PRKDC: variants seen among roughly 807,000 people sequenced by gnomAD.
PRKDC encodes the protein protein kinase, DNA-activated, catalytic subunit.
A neutral mutation model predicts 486.9 loss-of-function variants in PRKDC; 82 were observed. The ratio of observed to expected loss-of-function variants is 0.17; its 90% confidence interval spans 0.14 to 0.20. The LOEUF is 0.20. PRKDC is among the 10% of genes least tolerant of loss of function. The pLI is 1.00. For synonymous variants in PRKDC, 1,895 were observed against 1,837.0 expected, an observed-to-expected ratio of 1.03 and a Z score of -0.81; for missense variants, 4,504 against 5,038.2, an observed-to-expected ratio of 0.89 and a Z score of 3.21.
intron 29 of PRKDC, among the ~76,000 whole-genome samples, chr8:47,897,654 T>G (rs1201809250): frequency 6.6e-6 from 1 of 152,150 alleles, no homozygotes; most frequent in African/African-American, 2.4e-5. Flanking sequence ...TTGTTATAAA[T>G]CCAAATTATC....
chr8:47,869,881 C>T (rs1317181356), intron 40 of PRKDC, among the ~76,000 whole-genome samples: 1 of 152,192 alleles, frequency 6.6e-6, no homozygotes, highest in Non-Finnish European at 1.5e-5. Context: ...GAGTGAAAAT[C>T]AGCAGTAGCC....
rs1263014716 is a variant in PRKDC at position 47,937,662 on chromosome 8, A to T, written c.1114-1145T>A. On this transcript the variant is annotated intron_variant, in intron 11 of 85. Coordinates refer to ENST00000314191, the MANE Select transcript of PRKDC (RefSeq NM_006904.7). The stretch of plus-strand genomic sequence containing the variant: ...CAGATCCATTTCCCCTCTCCTGCCT[A>T]TCATGCTCTAGCCACAGGGACAAGC... Among the ~76,000 whole-genome samples the T allele has an allele frequency of 2.0e-5, 3 of 152,202 alleles. No homozygotes were observed. The East Asian group carries it at 5.8e-4, about 29-fold the overall frequency.
chr8:47,897,510 G>A (rs760088941), intron 29 of PRKDC, among the ~76,000 whole-genome samples: 55 of 152,190 alleles, frequency 3.6e-4, no homozygotes, highest in East Asian at 7.7e-4. Flanking sequence ...ATTTTTTCAT[G>A]TGGGGAAAAA....
intron 70 of PRKDC, among the ~76,000 whole-genome samples, chr8:47,802,638 C>T (rs1003771149): frequency 4.0e-5 from 6 of 151,252 alleles, no homozygotes; most frequent in South Asian, 4.2e-4. Context: ...CCACCACGCC[C>T]GGCTAGTTTT....
intron 77 of PRKDC, chr8:47,784,110 T>C (rs976580884): frequency 3.9e-6 from 1 of 254,400 alleles, no homozygotes; most frequent in Non-Finnish European, 7.8e-6. Flanking sequence ...TACAAAAAAT[T>C]GGCCGGGTGT....
At chr8:47,778,130 T>A (rs2086637354) in intron 83 of PRKDC, among the ~76,000 whole-genome samples, 2 of 152,138 alleles carry the variant, frequency 1.3e-5, no homozygotes, top group Admixed American at 1.3e-4. Flanking sequence ...TCCAAAACAT[T>A]CAGAGGTTAA....
intron 67 of PRKDC, among the ~76,000 whole-genome samples, chr8:47,818,006 G>A (rs2087487134): frequency 6.6e-6 from 1 of 152,162 alleles, no homozygotes; most frequent in African/African-American, 2.4e-5. Context: ...CCTAGCCCCT[G>A]GCATGTACAC....
chr8:47,824,648 A>C (rs925766304), intron 63 of PRKDC, among the ~76,000 whole-genome samples: 1 of 152,112 alleles, frequency 6.6e-6, no homozygotes, highest in African/African-American at 2.4e-5. Flanking sequence ...AATAATCCTG[A>C]CTACTGATGC....
intron 40 of PRKDC, among the ~76,000 whole-genome samples, chr8:47,873,262 C>A (rs1589757002): frequency 6.7e-6 from 1 of 148,592 alleles, no homozygotes; most frequent in Non-Finnish European, 1.5e-5. Context: ...ATAGGCCAAG[C>A]GAGTTGGCTC....
chr8:47,912,064 C>T (rs1002195746), intron 25 of PRKDC, among the ~76,000 whole-genome samples: 21 of 152,252 alleles, frequency 1.4e-4, no homozygotes, highest in Non-Finnish European at 2.8e-4. Context: ...AGCCACCGCG[C>T]GCGGCCCATG....
chr8:47,861,319 C>T (rs1178475225), intron 44 of PRKDC, among the ~76,000 whole-genome samples: 1 of 152,172 alleles, frequency 6.6e-6, no homozygotes, highest in Non-Finnish European at 1.5e-5. Flanking sequence ...TATCATAGTG[C>T]TTGTAATTGT....
intron 9 of PRKDC, 52 bp downstream of exon 9, chr8:47,943,801 A>G (rs573748017): frequency 7.1e-6 from 10 of 1,398,650 alleles, no homozygotes; most frequent in East Asian, 4.9e-5. Context: ...CTTACTTGAG[A>G]TGTTAATTTA....
At chr8:47,777,358 G>A (rs370321905) in intron 84 of PRKDC, among the ~76,000 whole-genome samples, 12 of 152,122 alleles carry the variant, frequency 7.9e-5, no homozygotes, top group East Asian at 1.9e-4. Flanking sequence ...ACAGGTGTGC[G>A]TTACCACGCC....
Position 47,774,182 on chromosome 8 carries a change from G to A in PRKDC, c.12378C>T (p.Pro4126=), listed in dbSNP as rs1460448325. ...ILGRTWEGWE[P]WM ...CAGACTCCCACAGACCTCACATCCA[G>A]GGCTCCCATCCTTCCCAGGTTCTGC... Residue 4126 remains proline, a synonymous_variant, in exon 86 of 86, where the codon CCC becomes CCT. Transcript: ENST00000314191. The A allele has an allele frequency of 6.3e-7, 1 of 1,575,394 alleles. No individual in the cohort carries two copies. Among genetic ancestry groups the A allele is most frequent in the African/African-American group, 1.3e-5 (1 of 74,142 alleles).
chr8:47,920,132 C>T (rs1589793196), intron 21 of PRKDC, among the ~76,000 whole-genome samples: 1 of 152,352 alleles, frequency 6.6e-6, no homozygotes, highest in East Asian at 1.9e-4. Context: ...ATGCTTATCA[C>T]TGGCTTGCTG....
At chr8:47,883,152 T>A (rs1301407006) in intron 36 of PRKDC, among the ~76,000 whole-genome samples, 1 of 152,226 alleles carries the variant, frequency 6.6e-6, no homozygotes, top group Non-Finnish European at 1.5e-5. Context: ...AAAACATCTG[T>A]ATTCCACTCT....
rs552540014 is a variant in PRKDC, at chr8:47,936,976, G to A, written c.1114-459C>T. Among the ~76,000 whole-genome samples the A allele has an allele frequency of 4.6e-5, 7 of 151,102 alleles. No individual in the cohort carries two copies. The East Asian group carries it at 6.0e-4, about 13-fold the overall frequency. ...CAGATATAAAATACAGTATCTGGCC[G>A]GGTGCGGCGGCCCATGCCTGTAATC... On this transcript the variant is annotated intron_variant, in intron 11 of 85. Coordinates refer to ENST00000314191, the MANE Select transcript of PRKDC (RefSeq NM_006904.7).
intron 19 of PRKDC, 57 bp downstream of exon 19, chr8:47,929,035 A>T: frequency 8.1e-7 from 1 of 1,229,452 alleles, no homozygotes; most frequent in Non-Finnish European, 1.2e-6. Context: ...TTTTTTCAAT[A>T]GATATTCATT....
Position 47,773,192 on chromosome 8 carries a change from G to GAAA in PRKDC, c.*978_*980dup. The GAAA allele has an allele frequency of 5.3e-6, 1 of 189,104 alleles. No individual in the cohort carries two copies. Among genetic ancestry groups the GAAA allele is most frequent in the Non-Finnish European group, 1.1e-5 (1 of 92,674 alleles). The allele number at this position is 189,104 out of a possible 1,614,324, so 11.7% of individuals were successfully genotyped here. On this transcript the variant is annotated 3_prime_UTR_variant, in exon 86 of 86. Transcript: ENST00000314191. The stretch of plus-strand genomic sequence containing the variant: ...AGCCTCCAAATACAAGTGTTAGAAG[G>GAAA]AAAAAAAAAAACAACAAAAAGCTAA...
Sources: gnomAD v4.1 joint callset for allele counts (sites outside exome capture counted in the v4.1 genomes callset) on GRCh38, gnomAD v4.1.1 for gene constraint, MANE v1.5 for transcripts, NCBI Gene and HGNC (gene_info 2026-07-23, HGNC 2026-07-21) for gene names.